ENTREP2: variants seen among roughly 807,000 people sequenced by gnomAD.
ENTREP2 encodes the protein protein ENTREP2.
At chr15:29,123,199 C>T in the ENTREP2 span, 1 of 913,508 alleles carries the variant, frequency 1.1e-6, no homozygotes, top group Non-Finnish European at 1.6e-6. Context: ...CCACACCGCC[C>T]CCAGATCATC....
At chr15:29,485,983 A>G in the ENTREP2 span, among the ~76,000 whole-genome samples, 4 of 152,234 alleles carry the variant, frequency 2.6e-5, no homozygotes, top group African/African-American at 9.6e-5. Flanking sequence ...CAGAACTACC[A>G]TATGATCCAG....
chr15:29,475,106 G>A, the ENTREP2 span, among the ~76,000 whole-genome samples: 1 of 151,980 alleles, frequency 6.6e-6, no homozygotes, highest in Non-Finnish European at 1.5e-5. Flanking sequence ...AAAGACATGC[G>A]GCACTGAGCG....
chr15:29,341,605 C>A, the ENTREP2 span, among the ~76,000 whole-genome samples: 1 of 152,168 alleles, frequency 6.6e-6, no homozygotes, highest in African/African-American at 2.4e-5. Context: ...AGACAGGACC[C>A]CTGCCCCTTG....
the ENTREP2 span, among the ~76,000 whole-genome samples, chr15:29,187,243 A>G: frequency 6.6e-6 from 1 of 152,138 alleles, no homozygotes; most frequent in African/African-American, 2.4e-5. Flanking sequence ...AACATATTAC[A>G]CTGTCACTGT....
At chr15:29,205,547 C>T in the ENTREP2 span, among the ~76,000 whole-genome samples, 2 of 152,136 alleles carry the variant, frequency 1.3e-5, no homozygotes, top group Admixed American at 6.5e-5. Context: ...ACTCTGGTTT[C>T]GAGTTGCATT....
At chr15:29,310,500 A>T in the ENTREP2 span, among the ~76,000 whole-genome samples, 1 of 152,170 alleles carries the variant, frequency 6.6e-6, no homozygotes, top group Non-Finnish European at 1.5e-5. Context: ...CCCCTGGGGG[A>T]TCTCCCCACC....
At chr15:29,644,275 G>A in the ENTREP2 span, among the ~76,000 whole-genome samples, 1 of 152,150 alleles carries the variant, frequency 6.6e-6, no homozygotes, top group Non-Finnish European at 1.5e-5. Context: ...GTTGCCAAGG[G>A]CTGATGGGAC....
chr15:29,485,750 T>A, the ENTREP2 span, among the ~76,000 whole-genome samples: 4 of 152,112 alleles, frequency 2.6e-5, no homozygotes, highest in African/African-American at 9.7e-5. Context: ...AGGAGATATA[T>A]GAAAGAATGC....
chr15:29,645,762 A>G, the ENTREP2 span, among the ~76,000 whole-genome samples: 2 of 151,962 alleles, frequency 1.3e-5, no homozygotes, highest in Non-Finnish European at 2.9e-5. Flanking sequence ...GGGTTTCACC[A>G]TGTTAGCCAG....
the ENTREP2 span, among the ~76,000 whole-genome samples, chr15:29,371,331 T>C: frequency 8.6e-3 from 997 of 115,782 alleles, 18 homozygotes; most frequent in African/African-American, 0.039. Flanking sequence ...CACCCTCCCA[T>C]ACCACCACAC....
chr15:29,633,851 C>T, the ENTREP2 span, among the ~76,000 whole-genome samples: 5 of 151,882 alleles, frequency 3.3e-5, no homozygotes, highest in African/African-American at 1.2e-4. Flanking sequence ...CCCAGCTACT[C>T]GGGAGGCTGA....
chr15:29,402,443 A>T, the ENTREP2 span, among the ~76,000 whole-genome samples: 4 of 152,070 alleles, frequency 2.6e-5, no homozygotes, highest in African/African-American at 9.7e-5. Context: ...GGCCTCCCGA[A>T]TAGCAGGGAA....
chr15:29,218,249 C>T, the ENTREP2 span, among the ~76,000 whole-genome samples: 1 of 152,128 alleles, frequency 6.6e-6, no homozygotes, highest in Admixed American at 6.5e-5. Context: ...TGGCACTTTC[C>T]AGAAAGCATT....
the ENTREP2 span, among the ~76,000 whole-genome samples, chr15:29,557,165 T>TGTCTCAGGCCCTTGTGTTAATGCTGG: frequency 6.6e-6 from 1 of 152,168 alleles, no homozygotes; most frequent in South Asian, 2.1e-4. Context: ...GCCCCAGCCC[T>TGTCTCAGGCCCTTGTGTTAATGCTGG]GTCTCAGGCC....
At chr15:29,505,103 A>T in the ENTREP2 span, among the ~76,000 whole-genome samples, 1 of 152,250 alleles carries the variant, frequency 6.6e-6, no homozygotes, top group East Asian at 1.9e-4. The surrounding 1 kb of genome is among the most constrained non-coding windows in gnomAD (Gnocchi z 4.3). Flanking sequence ...TAAAGACAAT[A>T]AAAAAGGCAT....
chr15:29,273,199 C>CTT, the ENTREP2 span, among the ~76,000 whole-genome samples: 6,328 of 133,784 alleles, frequency 0.047, 601 homozygotes, highest in African/African-American at 0.16. Context: ...ATAAATTAAA[C>CTT]TTTTTTTTTT....
the ENTREP2 span, among the ~76,000 whole-genome samples, chr15:29,228,129 GCCAACATTGTGAAA>G: frequency 6.6e-6 from 1 of 152,084 alleles, no homozygotes; most frequent in African/African-American, 2.4e-5. Context: ...GACCAGCCTG[GCCAACATTGTGAAA>G]CCCCGTCTCT....
chr15:29,537,577 C>A, the ENTREP2 span, among the ~76,000 whole-genome samples: 1 of 152,218 alleles, frequency 6.6e-6, no homozygotes, highest in Non-Finnish European at 1.5e-5. Flanking sequence ...CAGGGCCCCA[C>A]CATCTCTCTC....
chr15:29,356,268 G>GTGTATATATATA, the ENTREP2 span, among the ~76,000 whole-genome samples: 2 of 57,594 alleles, frequency 3.5e-5, no homozygotes, highest in East Asian at 5.6e-4. Flanking sequence ...GTGTGTGTGT[G>GTGTATATATATA]TATATATATA....
Sources: gnomAD v4.1 joint callset for allele counts (sites outside exome capture counted in the v4.1 genomes callset) on GRCh38, gnomAD v4.1.1 for gene constraint, Gnocchi (gnomAD v3.1) non-coding constraint, MANE v1.5 for transcripts, NCBI Gene and HGNC (gene_info 2026-07-23, HGNC 2026-07-21) for gene names.